Variants in TCN1 observed in about 807,000 individuals in gnomAD.
TCN1 encodes transcobalamin 1.
TCN1 carries 47 observed loss-of-function variants against 46.3 expected under a neutral mutation model. That is an observed-to-expected ratio of 1.01 (90% CI 0.80 to 1.29). TCN1 has a LOEUF of 1.29. Among genes scored for constraint, TCN1 ranks in the 50% most tolerant of loss-of-function variants. The probability of loss-of-function intolerance (pLI) is 0.00; values close to 1 mark genes in which losing one functional copy is unlikely to be tolerated. For synonymous variants in TCN1, 183 were observed against 192.5 expected (o/e 0.95, Z 0.41); for missense variants, 532 against 511.0 (o/e 1.04, Z -0.40).
chr11:59,861,235 T>TCC lies in TCN1; in HGVS notation c.556+290_556+291dup, dbSNP rs532692153. ...TTCATGTGGATATTCTCATGCCTTA[T>TCC]CCTCATCTTACAAATGGAAAAATTA... On this transcript the variant is annotated intron_variant, in intron 4 of 8. Coordinates refer to ENST00000257264, the MANE Select transcript of TCN1 (RefSeq NM_001062.4). Among the ~76,000 whole-genome samples the TCC allele has an allele frequency of 3.7e-3, 558 of 152,326 alleles. 5 individuals are homozygous for TCC. Among genetic ancestry groups the TCC allele is most frequent in the African/African-American group, 0.013 (537 of 41,584 alleles).
chr11:59,861,136 GAGAA>G, intron 4 of TCN1, among the ~76,000 whole-genome samples: 1 of 152,306 alleles, frequency 6.6e-6, no homozygotes, highest in African/African-American at 2.4e-5. Context: ...CAATAAACTA[GAGAA>G]AGAGACAGTG....
intron 5 of TCN1, 27 bp from the exon 6 acceptor site, chr11:59,856,085 G>GGGGGGGGGGT: frequency 5.1e-6 from 3 of 585,330 alleles, no homozygotes; most frequent in Non-Finnish European, 9.6e-6. Context: ...GGGTGGGGGG[G>GGGGGGGGGGT]TGATGAGAGA....
chr11:59,862,344 T>A (rs960025110), intron 3 of TCN1, among the ~76,000 whole-genome samples: 1 of 152,132 alleles, frequency 6.6e-6, no homozygotes, highest in African/African-American at 2.4e-5. Flanking sequence ...TGTATGTGTG[T>A]GTGTGTTTCT....
Position 59,864,026 on chromosome 11 carries a change from T to C in TCN1, c.140A>G (p.Asn47Ser), listed in dbSNP as rs778331099. The C allele has an allele frequency of 1.4e-4, 222 of 1,613,862 alleles. 2 individuals carry two copies. The Middle Eastern group carries it at 2.0e-3, about 14-fold the overall frequency. ...KPLLNTMIQS[N>S]YNRGTSAVNV... ...GACAGCGCTGGTTCCCCTGTTATAG[T>C]TTGACTGGATCATTGTATTCAACAG... Residue 47 changes from asparagine to serine, a missense_variant, in exon 2 of 9, where the codon AAC (asparagine) becomes AGC (serine). By Grantham distance (46) the Asn-to-Ser change is conservative. Transcript: ENST00000257264.
chr11:59,862,837 A>G, intron 2 of TCN1, 115 bp from the exon 3 acceptor site: 1 of 1,182,058 alleles, frequency 8.5e-7, no homozygotes, highest in Non-Finnish European at 1.2e-6. Context: ...CGCTCTATAC[A>G]GTCTTGTGTC....
At chr11:59,863,786 G>T in intron 2 of TCN1, 121 bp downstream of exon 2, 3 of 1,107,110 alleles carry the variant, frequency 2.7e-6, no homozygotes, top group African/African-American at 1.5e-5. Flanking sequence ...CCTCAAGTTT[G>T]GTACCATTAG....
Position 59,852,923 on chromosome 11 carries a change from A to G in TCN1, c.*52T>C, listed in dbSNP as rs1866682790. On this transcript the variant is annotated 3_prime_UTR_variant, in exon 9 of 9. Coordinates refer to ENST00000257264, the MANE Select transcript of TCN1 (RefSeq NM_001062.4). Reference sequence around the variant, plus strand: ...AGAAGAAGGCATAAGGACAATAAACATGGAACTCCACTGCAAATGGATTTT... The same window carrying G: ...AGAAGAAGGCATAAGGACAATAAACGTGGAACTCCACTGCAAATGGATTTT... The G allele has an allele frequency of 2.6e-6, 4 of 1,532,050 alleles. No individual in the cohort carries two copies. The highest frequency in any genetic ancestry group is 3.6e-6 in the Non-Finnish European group (4 of 1,105,288). The allele number at this position is 1,532,050 out of a possible 1,614,324, so 94.9% of individuals were successfully genotyped here. A position where few individuals can be genotyped will look rare whatever the true frequency, so the allele number is the denominator to read the frequency against.
chr11:59,860,164 C>T (rs1406918364), intron 4 of TCN1, among the ~76,000 whole-genome samples: 3 of 152,130 alleles, frequency 2.0e-5, no homozygotes, highest in Non-Finnish European at 4.4e-5. Flanking sequence ...GACGGAGTCT[C>T]GCTCTTGCTG....
rs571665693 is a variant in TCN1, at chr11:59,855,719, G to C, written c.937+150C>G. On this transcript the variant is annotated intron_variant, in intron 6 of 8. Coordinates refer to ENST00000257264, the MANE Select transcript of TCN1 (RefSeq NM_001062.4). ...AAATCCTCAGGTGACTGTAAACCCT[G>C]GTAACATGAGGAAAACTGAATTCTC... 3.6e-6 allele frequency: 3 copies of C among 838,296 alleles called. No homozygotes were observed. The South Asian group carries it at 4.5e-5, about 13-fold the overall frequency. 51.9% of individuals were successfully genotyped at this position (838,296 alleles called of 1,614,324 possible).
At chr11:59,861,871 G>T (rs1006818900) in intron 3 of TCN1, among the ~76,000 whole-genome samples, 189 bp from the exon 4 acceptor site, 1 of 152,102 alleles carries the variant, frequency 6.6e-6, no homozygotes, top group African/African-American at 2.4e-5. Flanking sequence ...ACTAAATTCC[G>T]CTCAATTTCT....
At chr11:59,854,594 T>C in intron 7 of TCN1, 58 bp downstream of exon 7, 1 of 1,557,756 alleles carries the variant, frequency 6.4e-7, no homozygotes, top group Non-Finnish European at 8.8e-7. Context: ...AATGCATTCT[T>C]ACTGCATCTT....
chr11:59,860,819 C>T (rs901543415), intron 4 of TCN1, among the ~76,000 whole-genome samples: 1 of 152,214 alleles, frequency 6.6e-6, no homozygotes, highest in African/African-American at 2.4e-5. Flanking sequence ...CCTTTCCTCT[C>T]TCATGGGAAA....
intron 5 of TCN1, among the ~76,000 whole-genome samples, chr11:59,856,832 A>C (rs1201115747): frequency 6.6e-6 from 1 of 152,162 alleles, no homozygotes; most frequent in Non-Finnish European, 1.5e-5. Flanking sequence ...TATTTGATTG[A>C]CAATGGGGAG....
chr11:59,863,949 G>A lies in TCN1; in HGVS notation c.217C>T (p.Gln73Ter), dbSNP rs377535980. 6.4e-5 allele frequency: 103 copies of A among 1,613,872 alleles called. No homozygotes were observed. Among genetic ancestry groups the A allele is most frequent in the Admixed American group, 2.3e-4 (14 of 59,986 alleles). Residue 73 changes from glutamine to a stop codon, truncating the protein, a stop_gained, in exon 2 of 9, where the codon CAA (glutamine) becomes TAA (stop). Coordinates refer to ENST00000257264, the MANE Select transcript of TCN1 (RefSeq NM_001062.4). LOFTEE classifies it high-confidence loss of function. ...LVGIQIQTLM[Q>*]KMIQQIKYNV... Reference sequence around the variant, plus strand: ...TATTTGATTTGTTGGATCATCTTTTGCATCAGGGTTTGGATCTGGATTCCA... The same window carrying A: ...TATTTGATTTGTTGGATCATCTTTTACATCAGGGTTTGGATCTGGATTCCA...
At chr11:59,864,184 C>G in intron 1 of TCN1, 98 bp from the exon 2 acceptor site, 1 of 1,361,900 alleles carries the variant, frequency 7.3e-7, no homozygotes, top group Non-Finnish European at 1.0e-6. Context: ...AGATATGGCA[C>G]AGACCTAGAC....
chr11:59,866,111 A>T (rs1263002407), intron 1 of TCN1, among the ~76,000 whole-genome samples: 1 of 152,214 alleles, frequency 6.6e-6, no homozygotes, highest in African/African-American at 2.4e-5. Flanking sequence ...GAAAAGTCAC[A>T]TGAATAGGGA....
At position 59,854,752 on chromosome 11, in the gene TCN1, T is replaced by A; in HGVS notation, c.1021A>T (p.Arg341Ter). The part of the protein sequence containing the change: ...QSYISVNYSV[R>*]INETYFTNVT... Reference sequence around the variant, plus strand: ...TTGGTGAAATATGTTTCATTGATTCTCACAGAGTAATTGACGGAGATATAT... The same window carrying A: ...TTGGTGAAATATGTTTCATTGATTCACACAGAGTAATTGACGGAGATATAT... Residue 341 changes from arginine (R) to a stop codon, truncating the protein, a stop_gained, in exon 7 of 9, where the codon AGA becomes TGA. Transcript: ENST00000257264. LOFTEE classifies it high-confidence loss of function. 1 of 1,614,028 alleles carries A rather than the reference T, an allele frequency of 6.2e-7. No individual in the cohort carries two copies. Among genetic ancestry groups the A allele is most frequent in the Non-Finnish European group, 8.5e-7 (1 of 1,179,926 alleles).
chr11:59,857,769 T>C (rs906123031), intron 5 of TCN1, among the ~76,000 whole-genome samples: 1 of 152,148 alleles, frequency 6.6e-6, no homozygotes, highest in Non-Finnish European at 1.5e-5. Context: ...AAAGAGCATA[T>C]GCACGACAGT....
chr11:59,855,765 G>T, intron 6 of TCN1, 104 bp downstream of exon 6: 3 of 1,250,050 alleles, frequency 2.4e-6, no homozygotes, highest in Non-Finnish European at 3.5e-6. Flanking sequence ...GTTATGTTTT[G>T]GAGGTTTATC....
Sources: allele counts gnomAD v4.1 joint callset (sites outside exome capture counted in the v4.1 genomes callset), GRCh38; gene constraint gnomAD v4.1.1; transcripts MANE v1.5; gene names NCBI Gene and HGNC (gene_info 2026-07-23, HGNC 2026-07-21).